Variants in BCAS3 observed in about 807,000 individuals in gnomAD.
BCAS3 encodes the protein BCAS3 microtubule associated cell migration factor.
Under a neutral mutation model 116.1 loss-of-function variants are expected in BCAS3, and 53 were observed. The ratio of observed to expected loss-of-function variants is 0.46; its 90% CI spans 0.37 to 0.57. The LOEUF (loss-of-function observed/expected upper bound fraction) is 0.57. Among genes scored for constraint, BCAS3 ranks in the 20% least tolerant of loss-of-function variants. The pLI is 0.00. For missense variants in BCAS3, 917 were observed against 1,165.4 expected (o/e 0.79, Z 3.10); for synonymous variants, 391 against 408.2 (o/e 0.96, Z 0.51).
At chr17:61,094,448 CTAACAA>C (rs1202816613) in intron 22 of BCAS3, among the ~76,000 whole-genome samples, 1 of 152,204 alleles carries the variant, frequency 6.6e-6, no homozygotes, top group South Asian at 2.1e-4. Flanking sequence ...AAGAAAACAA[CTAACAA>C]TATTTATTAC....
At chr17:60,766,781 C>T (rs1233384555) in intron 6 of BCAS3, among the ~76,000 whole-genome samples, 2 of 152,344 alleles carry the variant, frequency 1.3e-5, no homozygotes, top group African/African-American at 4.8e-5. Context: ...GCCTTTTGTT[C>T]AGCTATGCTC....
Position 61,344,862 on chromosome 17 carries a change from C to G in BCAS3, c.2426-23465C>G, listed in dbSNP as rs2057402972. On this transcript the variant is annotated intron_variant, in intron 22 of 23. Transcript: ENST00000407086. This position sits in a 1 kb window ranked among gnomAD's most constrained non-coding sequence, Gnocchi z 4.1. Reference sequence around the variant, plus strand: ...CATGGCGAGGAGTTGCAATGTCACTCCAGCCCCTTGTTTGCCACCATGGAC... The same window carrying G: ...CATGGCGAGGAGTTGCAATGTCACTGCAGCCCCTTGTTTGCCACCATGGAC... 6.6e-6 allele frequency among the ~76,000 whole-genome samples: 1 copy of G among 152,050 alleles called. No individual in the cohort carries two copies. Among genetic ancestry groups the G allele is most frequent in the African/African-American group, 2.4e-5 (1 of 41,370 alleles).
At chr17:60,953,683 A>C (rs1267768505) in intron 14 of BCAS3, among the ~76,000 whole-genome samples, 1 of 149,144 alleles carries the variant, frequency 6.7e-6, no homozygotes, top group Non-Finnish European at 1.5e-5. Context: ...TGTCTTCCAG[A>C]GTTTTTATAG....
Position 61,333,167 on chromosome 17 carries a change from A to G in BCAS3, c.2426-35160A>G, listed in dbSNP as rs1311824211. 2.6e-5 allele frequency among the ~76,000 whole-genome samples: 4 copies of G among 152,144 alleles called. No individual in the cohort carries two copies. The highest frequency in any genetic ancestry group is 4.4e-5 in the Non-Finnish European group (3 of 68,016). Reference sequence around the variant, plus strand: ...ACCTTTATTGGCAGGTGGGTCAGAGAGGACACCTGTGTGATCAGAGAAACA... The same window carrying G: ...ACCTTTATTGGCAGGTGGGTCAGAGGGGACACCTGTGTGATCAGAGAAACA... On this transcript the variant is annotated intron_variant, in intron 22 of 23. Coordinates refer to ENST00000407086, the MANE Select transcript of BCAS3 (RefSeq NM_017679.5). This position sits in a 1 kb window ranked among gnomAD's most constrained non-coding sequence, Gnocchi z 4.8.
chr17:60,977,692 C>A (rs567900745), intron 14 of BCAS3, among the ~76,000 whole-genome samples: 2 of 150,486 alleles, frequency 1.3e-5, no homozygotes, highest in Admixed American at 6.6e-5. Context: ...GTGATGTTCC[C>A]CTTCCTGTGT....
intron 14 of BCAS3, among the ~76,000 whole-genome samples, chr17:60,978,617 A>C (rs533694308): frequency 4.7e-4 from 71 of 152,192 alleles, no homozygotes; most frequent in African/African-American, 1.6e-3. Context: ...GTTTTCTTCT[A>C]GGGTTTTTAT....
At chr17:61,260,532 A>G (rs1236103829) in intron 22 of BCAS3, among the ~76,000 whole-genome samples, 1 of 152,006 alleles carries the variant, frequency 6.6e-6, no homozygotes, top group African/African-American at 2.4e-5. Flanking sequence ...AAGGCTGACA[A>G]CTCTCTTCCT....
At chr17:61,257,237 T>C (rs2144572506) in intron 22 of BCAS3, among the ~76,000 whole-genome samples, 1 of 152,106 alleles carries the variant, frequency 6.6e-6, no homozygotes, top group Admixed American at 6.5e-5. Context: ...CTGGCCAATA[T>C]GGTGAAACCC....
intron 5 of BCAS3, chr17:60,727,025 G>A (rs1335209009): frequency 4.2e-6 from 1 of 239,818 alleles, no homozygotes; most frequent in Non-Finnish European, 8.0e-6. Flanking sequence ...TTCTTTAACA[G>A]ATACCTTTTA....
Position 61,337,419 on chromosome 17 carries a change from G to C in BCAS3, c.2426-30908G>C, listed in dbSNP as rs999392323. Among the ~76,000 whole-genome samples, 3 of 152,184 alleles carry C rather than the reference G, an allele frequency of 2.0e-5. No homozygotes were observed. Among genetic ancestry groups the C allele is most frequent in the African/African-American group, 7.2e-5 (3 of 41,438 alleles). On this transcript the variant is annotated intron_variant, in intron 22 of 23. Transcript: ENST00000407086. The surrounding 1 kb of genome is among the most constrained non-coding windows in gnomAD (Gnocchi z 4.8). Reference sequence around the variant, plus strand: ...TCAGGAAGCAATTTAAGGCCCAAGAGAGGTGGCCAAAGAAGTCAGCTTGCA... The same window carrying C: ...TCAGGAAGCAATTTAAGGCCCAAGACAGGTGGCCAAAGAAGTCAGCTTGCA...
At position 61,281,870 on chromosome 17, in the gene BCAS3, G is replaced by A. The variant is rs1472236277; in HGVS notation, c.2426-86457G>A. 1.3e-5 allele frequency among the ~76,000 whole-genome samples: 2 copies of A among 151,890 alleles called. No homozygotes were observed. Among genetic ancestry groups the A allele is most frequent in the African/African-American group, 4.8e-5 (2 of 41,372 alleles). ...TCTCTGTTTTTAAAAAAAATTCTTC[G>A]TTTTATGGTAAATTTTTACTTTCTT... On this transcript the variant is annotated intron_variant, in intron 22 of 23. Transcript: ENST00000407086. The surrounding 1 kb of genome is among the most constrained non-coding windows in gnomAD (Gnocchi z 4.2).
In BCAS3 at chr17:61,128,771, GA is replaced by G. The variant is rs112192250; in HGVS notation, c.2425+44216del. On this transcript the variant is annotated intron_variant, in intron 22 of 23. Transcript: ENST00000407086. This position sits in a 1 kb window ranked among gnomAD's most constrained non-coding sequence, Gnocchi z 4.1. Reference sequence around the variant, plus strand: ...TAGCTGGTAGAATTTTTTCCCCCAGGAAAAAAAAATCGGCAACTTTTGGTCT... The same window carrying G: ...TAGCTGGTAGAATTTTTTCCCCCAGGAAAAAAAATCGGCAACTTTTGGTCT... 6.6e-3 allele frequency among the ~76,000 whole-genome samples: 994 copies of G among 151,082 alleles called. 7 individuals carry two copies. Among genetic ancestry groups the G allele is most frequent in the African/African-American group, 0.016 (677 of 41,200 alleles).
Position 61,106,054 on chromosome 17 carries a change from TA to T in BCAS3, c.2425+21491del, listed in dbSNP as rs1365670952. 6.6e-6 allele frequency among the ~76,000 whole-genome samples: 1 copy of T among 152,246 alleles called. No individual in the cohort carries two copies. Among genetic ancestry groups the T allele is most frequent in the Non-Finnish European group, 1.5e-5 (1 of 68,048 alleles). ...TTGGCAGCCGTCTTGGTTGCAGTAT[TA>T]CAGTGCTTGTATTCAGGTAACCTTT... On this transcript the variant is annotated intron_variant, in intron 22 of 23. Transcript: ENST00000407086. The surrounding 1 kb of genome is among the most constrained non-coding windows in gnomAD (Gnocchi z 4.2).
At chr17:60,707,025 C>T (rs987560344) in intron 4 of BCAS3, among the ~76,000 whole-genome samples, 11 of 151,612 alleles carry the variant, frequency 7.3e-5, no homozygotes, top group African/African-American at 2.7e-4. Flanking sequence ...GAGTTTTGCT[C>T]TTGTTGCCCA....
chr17:61,240,203 T>A (rs2047389762), intron 22 of BCAS3, among the ~76,000 whole-genome samples: 1 of 152,222 alleles, frequency 6.6e-6, no homozygotes, highest in Admixed American at 6.5e-5. Context: ...ACATAATTTC[T>A]TCTACTTACA....
intron 14 of BCAS3, among the ~76,000 whole-genome samples, chr17:60,951,561 C>T (rs573271467): frequency 4.6e-5 from 7 of 152,192 alleles, no homozygotes; most frequent in Admixed American, 3.3e-4. Flanking sequence ...CTTAACAGTG[C>T]AGTGGTATTA....
chr17:61,198,798 C>T lies in BCAS3; in HGVS notation c.2425+114234C>T, dbSNP rs9892169. Among the ~76,000 whole-genome samples the T allele has an allele frequency of 0.99, 150,611 of 152,342 alleles. 74,472 individuals are homozygous for T. Among genetic ancestry groups the T allele is most frequent in the East Asian group, 1 (5,182 of 5,182 alleles). ...GGTGTCCTCGGAATTTTAGAACTAA[C>T]GGTTTAATTTCCTGACTCTTAGAGT... On this transcript the variant is annotated intron_variant, in intron 22 of 23. Transcript: ENST00000407086. The surrounding 1 kb of genome is among the most constrained non-coding windows in gnomAD (Gnocchi z 5.0).
chr17:61,174,468 T>C (rs190709123), intron 22 of BCAS3, among the ~76,000 whole-genome samples: 1 of 152,336 alleles, frequency 6.6e-6, no homozygotes, highest in Non-Finnish European at 1.5e-5. Flanking sequence ...TCCAAGCTCA[T>C]CCATGTTGTC....
Position 61,124,995 on chromosome 17 carries a change from G to T in BCAS3, c.2425+40431G>T, listed in dbSNP as rs1226902854. ...TTTTCTTTCTTCACTTATAAATAAT[G>T]GTGGCTTTCATAGGAGAGTGTTTTA... On this transcript the variant is annotated intron_variant, in intron 22 of 23. Coordinates refer to ENST00000407086, the MANE Select transcript of BCAS3 (RefSeq NM_017679.5). This position sits in a 1 kb window ranked among gnomAD's most constrained non-coding sequence, Gnocchi z 4.6. 6.6e-6 allele frequency among the ~76,000 whole-genome samples: 1 copy of T among 152,104 alleles called. No individual in the cohort carries two copies. The highest frequency in any genetic ancestry group is 1.5e-5 in the Non-Finnish European group (1 of 68,028).
Sources: gnomAD v4.1 joint callset for allele counts (sites outside exome capture counted in the v4.1 genomes callset) on GRCh38, gnomAD v4.1.1 for gene constraint, Gnocchi (gnomAD v3.1) non-coding constraint, MANE v1.5 for transcripts, NCBI Gene and HGNC (gene_info 2026-07-23, HGNC 2026-07-21) for gene names.